The following CEP250 variants were observed in gnomAD, a reference collection of about 807,000 sequenced individuals.
CEP250 encodes centrosome-associated protein CEP250.
CEP250 carries 242 observed loss-of-function variants against 315.7 expected under a neutral mutation model. The observed-to-expected ratio is 0.77, with a 90% CI of 0.69 to 0.85. The LOEUF is 0.85. CEP250 is among the 40% of genes least tolerant of loss of function. The pLI, the probability that CEP250 is intolerant of heterozygous loss-of-function variation, is 0.00. For missense variants in CEP250, 2,515 were observed against 2,886.4 expected (o/e 0.87, Z 2.95); for synonymous variants, 1,088 against 1,175.0 (o/e 0.93, Z 1.51).
At chr20:35,478,162 T>A in intron 17 of CEP250, 61 bp downstream of exon 17, 1 of 1,094,718 alleles carries the variant, frequency 9.1e-7, no homozygotes, top group Non-Finnish European at 1.3e-6. Context: ...TATAAAAAAT[T>A]AAAACACTAC....
In CEP250 at chr20:35,475,614, G is replaced by A. The variant is rs140156086; in HGVS notation, c.1684G>A (p.Glu562Lys). 3.7e-6 allele frequency: 6 copies of A among 1,613,960 alleles called. No homozygotes were observed. Among genetic ancestry groups the A allele is most frequent in the Non-Finnish European group, 8.5e-7 (1 of 1,180,028 alleles). The change falls in exon 15 of 35, where the codon GAG becomes AAG. Residue 562 changes from glutamate (E) to lysine (K), a missense_variant. Coordinates refer to ENST00000397527, the MANE Select transcript of CEP250 (RefSeq NM_007186.6). ...SHLEGELLRQ[E>K]QTEVTAALAR... is the part of the protein sequence containing the mutation. ...CCTGGAAGGGGAGTTACTGAGGCAA[G>A]AGCAAACGGAAGTGACCGCAGCGCT...
At chr20:35,491,942 A>ACAGACATTGC (rs2063709959) in intron 22 of CEP250, among the ~76,000 whole-genome samples, 1 of 152,000 alleles carries the variant, frequency 6.6e-6, no homozygotes, top group Non-Finnish European at 1.5e-5. Context: ...AGTCAGCATA[A>ACAGACATTGC]CAGACATTGC....
chr20:35,510,601 A>AT (rs1269360009), intron 34 of CEP250, among the ~76,000 whole-genome samples: 1 of 152,218 alleles, frequency 6.6e-6, no homozygotes, highest in African/African-American at 2.4e-5. Flanking sequence ...TTCTGAGCCT[A>AT]TTTCAGAAAT....
Position 35,504,691 on chromosome 20 carries a change from C to T in CEP250, c.6322C>T (p.Gln2108Ter). 6.2e-7 allele frequency: 1 copy of T among 1,614,200 alleles called. No individual in the cohort carries two copies. The highest frequency in any genetic ancestry group is 8.5e-7 in the Non-Finnish European group (1 of 1,180,036). ...ACAGCTGACTCTAGCCCAAAAGGAA[C>T]AGGAGATTCTGGAGCTGAGGGAGAC... ...ELQLTLAQKE[Q>*]EILELRETQQ... Residue 2108 changes from glutamine (Q) to a stop codon, truncating the protein, a stop_gained, in exon 30 of 35, where the codon CAG (glutamine) becomes TAG (stop). Transcript: ENST00000397527. LOFTEE classifies it high-confidence loss of function.
chr20:35,467,307 T>C lies in CEP250; in HGVS notation c.603T>C (p.Asp201=). 1 of 1,612,174 alleles carries C rather than the reference T, an allele frequency of 6.2e-7. No homozygotes were observed. The highest frequency in any genetic ancestry group is 8.5e-7 in the Non-Finnish European group (1 of 1,178,520). The change falls in exon 9 of 35, where the codon GAT becomes GAC. Residue 201 remains aspartate (D), a synonymous_variant. Coordinates refer to ENST00000397527, the MANE Select transcript of CEP250 (RefSeq NM_007186.6). The part of the protein sequence containing the change: ...FLEMKSATDR[D]LMELKAEHVR... The stretch of plus-strand genomic sequence containing the variant: ...TGTTTTCCTTGCTTGTACTCAGAGA[T>C]CTGATGGAGCTAAAAGCTGAGCATG...
chr20:35,495,990 G>A (rs2063824771), intron 24 of CEP250, among the ~76,000 whole-genome samples: 1 of 152,024 alleles, frequency 6.6e-6, no homozygotes, highest in South Asian at 2.1e-4. Context: ...TAGGTTGAAG[G>A]GAGAACTCTG....
chr20:35,456,030 G>C (rs530267715), intron 1 of CEP250, among the ~76,000 whole-genome samples: 2 of 152,296 alleles, frequency 1.3e-5, no homozygotes, highest in African/African-American at 4.8e-5. Flanking sequence ...CAAGTAGCTG[G>C]GATTGCAGGC....
intron 10 of CEP250, chr20:35,470,278 A>G (rs2062992678): frequency 2.1e-6 from 1 of 473,056 alleles, no homozygotes; most frequent in Non-Finnish European, 3.7e-6. Flanking sequence ...CACATTGGCA[A>G]ATTAGTGAGT....
chr20:35,461,744 T>C (rs1017455221), intron 3 of CEP250, among the ~76,000 whole-genome samples: 3 of 152,160 alleles, frequency 2.0e-5, no homozygotes, highest in African/African-American at 7.2e-5. Flanking sequence ...TGAGAAGGCA[T>C]TGGAAGGTTT....
chr20:35,485,373 CAAAAA>C (rs896722122), intron 20 of CEP250, among the ~76,000 whole-genome samples: 2 of 79,612 alleles, frequency 2.5e-5, no homozygotes, highest in Non-Finnish European at 2.8e-5. Flanking sequence ...GACTCTGTCT[CAAAAA>C]AAAAAAAAAA....
rs967779006 is a variant in CEP250 at position 35,503,607 on chromosome 20, T to G, written c.5238T>G (p.His1746Gln). 9 of 1,614,032 alleles carry G rather than the reference T, an allele frequency of 5.6e-6. No individual in the cohort carries two copies. Among genetic ancestry groups the G allele is most frequent in the Non-Finnish European group, 5.9e-6 (7 of 1,179,984 alleles). Residue 1746 changes from histidine (H) to glutamine (Q), a missense_variant, in exon 30 of 35, where the codon CAT becomes CAG. By Grantham distance (24) the His-to-Gln change is conservative (BLOSUM62 0). Coordinates refer to ENST00000397527, the MANE Select transcript of CEP250 (RefSeq NM_007186.6). This position sits in a 1 kb window ranked among gnomAD's most constrained non-coding sequence, Gnocchi z 4.2. ...KEVECQQEHI[H>Q]ELQELKDQLE... ...TGGAATGTCAGCAGGAGCATATCCATGAACTCCAGGAGCTCAAAGACCAGC... is the reference window on the plus strand; with the variant it reads ...TGGAATGTCAGCAGGAGCATATCCAGGAACTCCAGGAGCTCAAAGACCAGC...
chr20:35,467,296 G>A lies in CEP250; in HGVS notation c.600-8G>A, dbSNP rs749092245. On this transcript the variant is annotated splice_polypyrimidine_tract_variant and splice_region_variant and intron_variant, in intron 8 of 34. Coordinates refer to ENST00000397527, the MANE Select transcript of CEP250 (RefSeq NM_007186.6). ...GTGGAGTCTGCTGTTTTCCTTGCTT[G>A]TACTCAGAGATCTGATGGAGCTAAA... The A allele has an allele frequency of 3.1e-6, 5 of 1,609,828 alleles. No homozygotes were observed. The highest frequency in any genetic ancestry group is 1.7e-5 in the Admixed American group (1 of 59,784).
chr20:35,505,222 C>G (rs2064152612), intron 30 of CEP250, among the ~76,000 whole-genome samples: 1 of 152,206 alleles, frequency 6.6e-6, no homozygotes, highest in African/African-American at 2.4e-5. Context: ...AGTTCACAGT[C>G]TAGTGGGTAA....
At chr20:35,479,148 A>C in intron 17 of CEP250, 83 bp from the exon 18 acceptor site, 1 of 1,329,222 alleles carries the variant, frequency 7.5e-7, no homozygotes, top group African/African-American at 1.5e-5. Flanking sequence ...GAATCTCTGA[A>C]GAGGCAATGA....
At chr20:35,459,753 G>A (rs935475163) in intron 2 of CEP250, among the ~76,000 whole-genome samples, 1 of 152,112 alleles carries the variant, frequency 6.6e-6, no homozygotes, top group South Asian at 2.1e-4. Context: ...TCCAGCCTGG[G>A]TGACAGAGCT....
rs747280346 is a variant in CEP250, at chr20:35,469,901, T to C, written c.863T>C (p.Leu288Pro). The change falls in exon 10 of 35, where the codon CTC (leucine) becomes CCC (proline). Residue 288 changes from leucine to proline, a missense_variant. Physicochemically the swap from Leu to Pro is moderately conservative, Grantham distance 98. Transcript: ENST00000397527. ...KAELQDRVTE[L>P]SALLTQSQKQ... ...GCTCTTCTCTTTAGGGTGACCGAGC[T>C]CTCTGCTCTGTTGACCCAGTCTCAG... 5.6e-6 allele frequency: 9 copies of C among 1,612,332 alleles called. No individual in the cohort carries two copies. The Admixed American group carries it at 1.3e-4, about 24-fold the overall frequency.
chr20:35,503,329 G>C lies in CEP250; in HGVS notation c.4960G>C (p.Glu1654Gln). The C allele has an allele frequency of 6.2e-7, 1 of 1,614,152 alleles. No homozygotes were observed. The highest frequency in any genetic ancestry group is 8.5e-7 in the Non-Finnish European group (1 of 1,180,010). The change falls in exon 30 of 35, where the codon GAG becomes CAG. Residue 1654 changes from glutamate to glutamine, a missense_variant. Glu to Gln is a conservative substitution (Grantham distance 29). Coordinates refer to ENST00000397527, the MANE Select transcript of CEP250 (RefSeq NM_007186.6). This position sits in a 1 kb window ranked among gnomAD's most constrained non-coding sequence, Gnocchi z 4.2. ...GAAAGAGCATCTGACTCAGGATCTC[G>C]AGAGGAGAGACCAGGAGCTGATGCT... ...RQKEHLTQDL[E>Q]RRDQELMLQK...
chr20:35,487,148 T>C (rs1445313787), intron 20 of CEP250, among the ~76,000 whole-genome samples: 2 of 152,192 alleles, frequency 1.3e-5, no homozygotes, highest in African/African-American at 2.4e-5. Context: ...AGTGACTGCC[T>C]TCTCCTGGAA....
At position 35,504,673 on chromosome 20, in the gene CEP250, A is replaced by G. The variant is rs376352211; in HGVS notation, c.6304A>G (p.Thr2102Ala). The G allele has an allele frequency of 8.7e-6, 14 of 1,613,980 alleles. No individual in the cohort carries two copies. Among genetic ancestry groups the G allele is most frequent in the African/African-American group, 1.3e-5 (1 of 74,894 alleles). Residue 2102 changes from threonine (T) to alanine (A), a missense_variant, in exon 30 of 35, where the codon ACT (threonine) becomes GCT (alanine). Coordinates refer to ENST00000397527, the MANE Select transcript of CEP250 (RefSeq NM_007186.6). ...TCAGAGTGTAAGGGAGCTACAGCTG[A>G]CTCTAGCCCAAAAGGAACAGGAGAT... is the stretch of plus-strand genomic sequence containing the variant. ...LHQSVRELQL[T>A]LAQKEQEILE...
Sources: allele counts gnomAD v4.1 joint callset (sites outside exome capture counted in the v4.1 genomes callset), GRCh38; gene constraint gnomAD v4.1.1; non-coding constraint Gnocchi (gnomAD v3.1); transcripts MANE v1.5; gene names NCBI Gene and HGNC (gene_info 2026-07-23, HGNC 2026-07-21).